Variants in AACS observed in about 807,000 individuals in gnomAD.
AACS encodes the protein acetoacetate-CoA ligase.
A neutral mutation model predicts 83.1 loss-of-function variants in AACS; 69 were observed. The observed-to-expected ratio is 0.83, with a 90% CI of 0.68 to 1.01. AACS has a LOEUF of 1.01. AACS is among the 50% of genes least tolerant of loss of function. AACS has a pLI of 0.00. For missense variants in AACS, 866 were observed against 882.2 expected, an observed-to-expected ratio of 0.98 and a Z score of 0.23; for synonymous variants, 333 against 343.4, an observed-to-expected ratio of 0.97 and a Z score of 0.33.
chr12:125,102,888 A>G, intron 6 of AACS, 95 bp downstream of exon 6: 1 of 1,429,224 alleles, frequency 7.0e-7, no homozygotes, highest in Non-Finnish European at 9.8e-7. Context: ...TCTCTGCCCC[A>G]GATTGTGTTA....
intron 9 of AACS, among the ~76,000 whole-genome samples, chr12:125,116,427 G>A (rs181529664): frequency 1.3e-5 from 2 of 152,210 alleles, no homozygotes; most frequent in African/African-American, 4.8e-5. Flanking sequence ...TCCTGGAGCA[G>A]CTTGACCCCA....
Position 125,124,951 on chromosome 12 carries a change from C to T in AACS, c.1236C>T (p.Ser412=). ...TCCACACGATCCTGTCCACTGGCTC[C>T]CCACTGAAAGCCCAGAGCTACGAGT... ...QMLHTILSTG[S]PLKAQSYEYV... The change falls in exon 12 of 18, where the codon TCC becomes TCT. Residue 412 remains serine (S), a synonymous_variant. Coordinates refer to ENST00000316519, the MANE Select transcript of AACS (RefSeq NM_023928.5). 1.9e-6 allele frequency: 3 copies of T among 1,614,224 alleles called. No homozygotes were observed. The highest frequency in any genetic ancestry group is 2.5e-6 in the Non-Finnish European group (3 of 1,180,040).
At chr12:125,080,840 C>G (rs35819972) in intron 3 of AACS, among the ~76,000 whole-genome samples, 28,292 of 151,258 alleles carry the variant, frequency 0.19, 2,988 homozygotes, top group African/African-American at 0.3. Flanking sequence ...TACAGGCGCC[C>G]GCCACCACGC....
At chr12:125,086,588 G>A in intron 4 of AACS, 145 bp downstream of exon 4, 3 of 707,750 alleles carry the variant, frequency 4.2e-6, no homozygotes, top group Non-Finnish European at 7.1e-6. Context: ...CATGCAAGGA[G>A]AAAAAATAGA....
At chr12:125,100,628 C>T (rs1956692604) in intron 5 of AACS, among the ~76,000 whole-genome samples, 1 of 152,214 alleles carries the variant, frequency 6.6e-6, no homozygotes, top group Admixed American at 6.5e-5. Flanking sequence ...GAACTCTTAG[C>T]ACAGAAATTC....
chr12:125,119,149 T>A (rs775419900), intron 10 of AACS, among the ~76,000 whole-genome samples: 4 of 152,244 alleles, frequency 2.6e-5, no homozygotes, highest in Non-Finnish European at 4.4e-5. Context: ...AAATGAGTAC[T>A]GCAGTCAGGC....
At chr12:125,136,913 G>A in intron 17 of AACS, 49 bp downstream of exon 17, 1 of 1,585,404 alleles carries the variant, frequency 6.3e-7, no homozygotes, top group Non-Finnish European at 8.6e-7. Context: ...CGCCCCACGA[G>A]CCCACACATT....
intron 10 of AACS, chr12:125,124,476 G>A (rs1957211121): frequency 1.8e-6 from 1 of 567,620 alleles, no homozygotes; most frequent in African/African-American, 1.9e-5. Context: ...CGTGGTAAAG[G>A]GAGCTGGCCC....
chr12:125,087,953 CG>C (rs1442139083), intron 4 of AACS, among the ~76,000 whole-genome samples: 2 of 152,192 alleles, frequency 1.3e-5, no homozygotes, highest in African/African-American at 2.4e-5. Context: ...CCTGGCTTGT[CG>C]GGGTTGCCTC....
chr12:125,086,347 A>G lies in AACS; in HGVS notation c.376A>G (p.Ile126Val), dbSNP rs1565929892. ...CTTCCCAGGGGAAGGCAAAGAGGAA[A>G]TTGTGAAGGTGACTTTTGAAGAGCT... is the stretch of plus-strand genomic sequence containing the variant. ...LYIAREGKEE[I>V]VKVTFEELRQ... Residue 126 changes from isoleucine (I) to valine (V), a missense_variant, in exon 4 of 18, where the codon ATT (isoleucine) becomes GTT (valine). Transcript: ENST00000316519. 2.5e-6 allele frequency: 4 copies of G among 1,614,036 alleles called. No individual in the cohort carries two copies. Among genetic ancestry groups the G allele is most frequent in the Non-Finnish European group, 3.4e-6 (4 of 1,180,032 alleles).
intron 14 of AACS, among the ~76,000 whole-genome samples, chr12:125,133,061 G>T (rs1957349333): frequency 6.6e-6 from 1 of 152,214 alleles, no homozygotes; most frequent in South Asian, 2.1e-4. Flanking sequence ...TATTGCAGGA[G>T]GCCAGCCTGC....
At position 125,076,504 on chromosome 12, in the gene AACS, C is replaced by A. The variant is rs200646490; in HGVS notation, c.251C>A (p.Ser84Ter). ...SRVYDEVVDTSKGIADVPEWF... is the reference protein window; with the variant it reads ...SRVYDEVVDT Reference sequence around the variant, plus strand: ...CATTCTCTATAGGTTGTGGACACATCGAAAGGAATCGCAGATGTCCCCGAG... The same window carrying A: ...CATTCTCTATAGGTTGTGGACACATAGAAAGGAATCGCAGATGTCCCCGAG... The change falls in exon 3 of 18, where the codon TCG (serine) becomes TAG (stop). Residue 84 changes from serine to a stop codon, truncating the protein, a stop_gained. Coordinates refer to ENST00000316519, the MANE Select transcript of AACS (RefSeq NM_023928.5). LOFTEE classifies it high-confidence loss of function. 1.9e-6 allele frequency: 3 copies of A among 1,614,042 alleles called. No homozygotes were observed. Among genetic ancestry groups the A allele is most frequent in the Non-Finnish European group, 2.5e-6 (3 of 1,179,962 alleles).
At chr12:125,084,089 A>G (rs1284277462) in intron 3 of AACS, among the ~76,000 whole-genome samples, 2 of 151,850 alleles carry the variant, frequency 1.3e-5, no homozygotes, top group East Asian at 3.9e-4. Flanking sequence ...GCACATTGGG[A>G]GTTCGAGGTC....
chr12:125,111,058 A>G (rs772353951), intron 8 of AACS, among the ~76,000 whole-genome samples: 46 of 144,430 alleles, frequency 3.2e-4, no homozygotes, highest in Non-Finnish European at 5.7e-4. Context: ...GGCTGAGGTC[A>G]GGGGTGGGGG....
At chr12:125,125,957 A>ATT (rs34943168) in intron 12 of AACS, 28 of 143,680 alleles carry the variant, frequency 1.9e-4, no homozygotes, top group Middle Eastern at 3.5e-3. Context: ...TTCCAAGTGA[A>ATT]TTTTTTTTTT....
intron 9 of AACS, 51 bp from the exon 10 acceptor site, chr12:125,118,589 TG>T (rs1271855726): frequency 2.4e-5 from 38 of 1,606,286 alleles, no homozygotes; most frequent in Non-Finnish European, 3.1e-5. Context: ...GGGGCAGCGC[TG>T]GGGGGAGCTG....
chr12:125,088,707 A>G (rs1956395341), intron 4 of AACS, among the ~76,000 whole-genome samples: 1 of 152,188 alleles, frequency 6.6e-6, no homozygotes, highest in Non-Finnish European at 1.5e-5. Flanking sequence ...TTCTGAGTGA[A>G]GGAGAGACAA....
At chr12:125,124,338 G>A (rs772093854) in intron 10 of AACS, 3 of 209,116 alleles carry the variant, frequency 1.4e-5, no homozygotes, top group South Asian at 1.1e-4. Flanking sequence ...CTTCATTGGT[G>A]AATGAATGTG....
rs747969634 is a variant in AACS at position 125,142,182 on chromosome 12, G to A, written c.1972G>A (p.Glu658Lys). ...GCAAGGAGGTGCTTTCTCGAACCCC[G>A]AGACCCTGGATCTGTACCGGGACAT... ...VEQGGAFSNP[E>K]TLDLYRDIPE... The change falls in exon 18 of 18, where the codon GAG becomes AAG. Residue 658 changes from glutamate to lysine, a missense_variant. By Grantham distance (56) the Glu-to-Lys change is moderately conservative. Transcript: ENST00000316519. 5.3e-5 allele frequency: 86 copies of A among 1,614,164 alleles called. No homozygotes were observed. Among genetic ancestry groups the A allele is most frequent in the East Asian group, 3.3e-4 (15 of 44,890 alleles).
Sources: gnomAD v4.1 joint callset for allele counts (sites outside exome capture counted in the v4.1 genomes callset) on GRCh38, gnomAD v4.1.1 for gene constraint, MANE v1.5 for transcripts, NCBI Gene and HGNC (gene_info 2026-07-23, HGNC 2026-07-21) for gene names.